CPQ: variants seen among roughly 807,000 people sequenced by gnomAD.
CPQ encodes the protein Ser-Met dipeptidase.
A neutral mutation model predicts 45.7 loss-of-function variants in CPQ; 37 were observed. The ratio of observed to expected loss-of-function variants is 0.81; its 90% confidence interval spans 0.62 to 1.07. CPQ has a LOEUF of 1.07. Ranked by LOEUF, CPQ falls within the 50% of genes least tolerant of loss-of-function variation. The pLI is 0.00. For synonymous variants in CPQ, 186 were observed against 205.8 expected (o/e 0.90, Z 0.82); for missense variants, 537 against 572.9 (o/e 0.94, Z 0.64).
chr8:97,085,684 C>T (rs1811029613), intron 7 of CPQ, among the ~76,000 whole-genome samples: 1 of 151,932 alleles, frequency 6.6e-6, no homozygotes, highest in Non-Finnish European at 1.5e-5. Flanking sequence ...ATAGGTACTG[C>T]CTTTGGACAT....
chr8:96,851,991 A>C (rs1811777388), intron 3 of CPQ, among the ~76,000 whole-genome samples: 1 of 152,260 alleles, frequency 6.6e-6, no homozygotes, highest in African/African-American at 2.4e-5. Flanking sequence ...CAAAAGGCAC[A>C]GGCAGTACCC....
intron 7 of CPQ, among the ~76,000 whole-genome samples, chr8:97,074,563 G>A (rs1488392390): frequency 2.0e-5 from 3 of 152,192 alleles, no homozygotes; most frequent in Non-Finnish European, 4.4e-5. Context: ...CCTGAGGTCA[G>A]GAGTTCAAGA....
At chr8:96,807,383 A>C (rs968892840) in intron 2 of CPQ, among the ~76,000 whole-genome samples, 4 of 152,008 alleles carry the variant, frequency 2.6e-5, no homozygotes, top group Non-Finnish European at 5.9e-5. Flanking sequence ...ACAGGCACCC[A>C]CCACCATGCC....
At chr8:97,002,098 A>G (rs1244681298) in intron 5 of CPQ, among the ~76,000 whole-genome samples, 5 of 151,896 alleles carry the variant, frequency 3.3e-5, no homozygotes, top group Non-Finnish European at 7.4e-5. Context: ...ATTTCTGTGG[A>G]GTCAGGGGTA....
intron 2 of CPQ, among the ~76,000 whole-genome samples, chr8:96,824,020 A>C (rs1049861300): frequency 7.2e-5 from 11 of 152,042 alleles, no homozygotes; most frequent in African/African-American, 2.7e-4. Context: ...GGCAGCTAGT[A>C]AATGCATTGT....
chr8:97,039,243 G>C (rs78520814), intron 6 of CPQ, among the ~76,000 whole-genome samples: 3,151 of 152,190 alleles, frequency 0.021, 103 homozygotes, highest in African/African-American at 0.067. Context: ...CCTTTATAAA[G>C]ATAGCTAAAT....
intron 5 of CPQ, among the ~76,000 whole-genome samples, chr8:96,974,036 G>A (rs1381002647): frequency 1.3e-5 from 2 of 152,162 alleles, no homozygotes; most frequent in African/African-American, 4.8e-5. Flanking sequence ...AACATTGATT[G>A]TAAATGGCCT....
At chr8:97,022,024 A>G (rs1393532584) in intron 5 of CPQ, among the ~76,000 whole-genome samples, 9 of 152,226 alleles carry the variant, frequency 5.9e-5, no homozygotes, top group Admixed American at 3.9e-4. Flanking sequence ...TGGTACTGAC[A>G]TGAAATTAGG....
intron 1 of CPQ, among the ~76,000 whole-genome samples, chr8:96,648,049 G>A (rs1815537245): frequency 6.6e-6 from 1 of 152,184 alleles, no homozygotes; most frequent in South Asian, 2.1e-4. Flanking sequence ...CCAGAGACAA[G>A]AATGCAGGAT....
At chr8:97,033,748 T>C (rs1284706147) in intron 6 of CPQ, among the ~76,000 whole-genome samples, 3 of 152,128 alleles carry the variant, frequency 2.0e-5, no homozygotes, top group African/African-American at 7.2e-5. Context: ...TTTTTCTGAA[T>C]GTAACATTCT....
intron 3 of CPQ, among the ~76,000 whole-genome samples, chr8:96,844,850 C>T (rs1811663853): frequency 6.6e-6 from 1 of 152,196 alleles, no homozygotes; most frequent in African/African-American, 2.4e-5. Flanking sequence ...CTCCCTCAGT[C>T]ATTGACTAAA....
chr8:96,678,868 G>A (rs1809111390), intron 1 of CPQ, among the ~76,000 whole-genome samples: 1 of 149,878 alleles, frequency 6.7e-6, no homozygotes, highest in South Asian at 2.1e-4. Context: ...ACTGCAGGTT[G>A]TCTCTTCACT....
chr8:96,877,227 A>G (rs898370255), intron 3 of CPQ, among the ~76,000 whole-genome samples: 1 of 152,202 alleles, frequency 6.6e-6, no homozygotes, highest in Non-Finnish European at 1.5e-5. Flanking sequence ...ATGCTCCACC[A>G]TTGGAAGACA....
At chr8:96,813,960 A>G (rs1394934557) in intron 2 of CPQ, among the ~76,000 whole-genome samples, 1 of 151,792 alleles carries the variant, frequency 6.6e-6, no homozygotes, top group Non-Finnish European at 1.5e-5. Flanking sequence ...AATTTATGCC[A>G]CTTTAGACTA....
At chr8:96,656,539 A>G (rs1815639738) in intron 1 of CPQ, among the ~76,000 whole-genome samples, 1 of 152,040 alleles carries the variant, frequency 6.6e-6, no homozygotes, top group South Asian at 2.1e-4. Flanking sequence ...ACAGTTGAGG[A>G]TTGCCTGTCT....
Position 97,137,074 on chromosome 8 carries a change from GTGAT to G in CPQ, c.1256-5941_1256-5938del, listed in dbSNP as rs533282804. On this transcript the variant is annotated intron_variant, in intron 7 of 7. Transcript: ENST00000220763. ...CCTGCAGTTATCAGCATTCTCACTA[GTGAT>G]TGATAGAACACGTTTTGGAGTTGTT... 1.6e-3 allele frequency among the ~76,000 whole-genome samples: 239 copies of G among 152,342 alleles called. 1 individual carries two copies. The highest frequency in any genetic ancestry group is 5.2e-3 in the African/African-American group (216 of 41,578).
At chr8:96,792,873 G>A (rs967508488) in intron 2 of CPQ, among the ~76,000 whole-genome samples, 4 of 152,166 alleles carry the variant, frequency 2.6e-5, no homozygotes, top group Admixed American at 2.6e-4. Flanking sequence ...AGTTCCACAT[G>A]GCTGGGGAGG....
intron 1 of CPQ, among the ~76,000 whole-genome samples, chr8:96,741,820 T>C (rs1443724395): frequency 2.7e-5 from 4 of 150,820 alleles, no homozygotes; most frequent in Non-Finnish European, 5.9e-5. Flanking sequence ...TCTAGTTTGA[T>C]TGCACTGTGG....
At chr8:96,936,327 C>T (rs1813049692) in intron 4 of CPQ, among the ~76,000 whole-genome samples, 1 of 152,180 alleles carries the variant, frequency 6.6e-6, no homozygotes, top group Non-Finnish European at 1.5e-5. Context: ...AGGTCTGTTT[C>T]AATTCCTAAT....
Sources: gnomAD v4.1 joint callset for allele counts (sites outside exome capture counted in the v4.1 genomes callset) on GRCh38, gnomAD v4.1.1 for gene constraint, MANE v1.5 for transcripts, NCBI Gene and HGNC (gene_info 2026-07-23, HGNC 2026-07-21) for gene names.